The following DNAH5 variants were observed in gnomAD, a reference collection of about 807,000 sequenced individuals.
DNAH5 encodes the protein dynein axonemal heavy chain 5, also known as axonemal beta dynein heavy chain 5.
A neutral mutation model predicts 518.2 loss-of-function variants in DNAH5; 372 were observed. That is an observed-to-expected ratio of 0.72 (90% CI 0.66 to 0.78). The LOEUF is 0.78. Among genes scored for constraint, DNAH5 ranks in the 30% least tolerant of loss-of-function variants. DNAH5 has a pLI of 0.00. For synonymous variants in DNAH5, 2,039 were observed against 2,025.9 expected, an observed-to-expected ratio of 1.01 and a Z score of -0.17; for missense variants, 5,523 against 5,687.0, an observed-to-expected ratio of 0.97 and a Z score of 0.93.
At chr5:13,851,499 T>G (rs795523) in intron 30 of DNAH5, among the ~76,000 whole-genome samples, 57,056 of 151,510 alleles carry the variant, frequency 0.38, 10,962 homozygotes, top group South Asian at 0.47. Flanking sequence ...TTGTAGAAAC[T>G]GGGTTTCATC....
intron 1 of DNAH5, among the ~76,000 whole-genome samples, chr5:14,006,179 CT>C (rs1018369019): frequency 4.6e-5 from 7 of 152,282 alleles, no homozygotes; most frequent in African/African-American, 1.7e-4. Context: ...CAGTTCATCC[CT>C]GACATATACT....
intron 2 of DNAH5, among the ~76,000 whole-genome samples, chr5:13,930,225 G>A (rs900383595): frequency 5.3e-5 from 8 of 152,170 alleles, no homozygotes; most frequent in African/African-American, 1.2e-4. Flanking sequence ...CAGATGGCTC[G>A]TACTGGCCCA....
At chr5:13,748,411 T>C (rs1490708223) in intron 65 of DNAH5, among the ~76,000 whole-genome samples, 5 of 152,230 alleles carry the variant, frequency 3.3e-5, no homozygotes, top group Non-Finnish European at 5.9e-5. Flanking sequence ...TCCAATTCTG[T>C]GAAGAAAGTC....
chr5:13,918,069 AT>A (rs1271593371), intron 7 of DNAH5, among the ~76,000 whole-genome samples: 24 of 152,272 alleles, frequency 1.6e-4, no homozygotes, highest in Admixed American at 3.9e-4. Context: ...CATGGGCTGA[AT>A]CTAGTGACTT....
intron 38 of DNAH5, among the ~76,000 whole-genome samples, chr5:13,825,346 A>AAAATAAATAAAT (rs143083505): frequency 0.033 from 4,901 of 150,548 alleles, 128 homozygotes; most frequent in African/African-American, 0.072. Flanking sequence ...TGTCTTGCAA[A>AAAATAAATAAAT]AAATAAATAA....
At chr5:13,908,457 G>A (rs150746062) in intron 12 of DNAH5, among the ~76,000 whole-genome samples, 13 of 152,196 alleles carry the variant, frequency 8.5e-5, no homozygotes, top group African/African-American at 2.2e-4. Flanking sequence ...CTATGGCTTC[G>A]CAAAGGCCTG....
Position 13,769,247 on chromosome 5 carries a change from G to GTTT in DNAH5, c.9721-114_9721-112dup, listed in dbSNP as rs36092508. On this transcript the variant is annotated intron_variant, in intron 57 of 78. Transcript: ENST00000265104. Reference sequence around the variant, plus strand: ...TTTTGTTCACTTACCCAGTTTTGTTGTTTTTTTTTTTTTTTTTTGAGATGG... The same window carrying GTTT: ...TTTTGTTCACTTACCCAGTTTTGTTGTTTTTTTTTTTTTTTTTTTTTGAGATGG... 2,041 of 742,954 alleles carry GTTT rather than the reference G, an allele frequency of 2.7e-3. 2 individuals are homozygous for GTTT. The highest frequency in any genetic ancestry group is 5.5e-3 in the South Asian group (284 of 51,206). 46.0% of individuals were successfully genotyped at this position (742,954 alleles called of 1,614,324 possible).
At chr5:13,934,951 T>C (rs1778787990) in intron 1 of DNAH5, among the ~76,000 whole-genome samples, 1 of 152,222 alleles carries the variant, frequency 6.6e-6, no homozygotes, top group African/African-American at 2.4e-5. Flanking sequence ...TTTTGAATTG[T>C]TTTCTGCCTT....
In DNAH5 at chr5:13,777,209, G is replaced by A; in HGVS notation, c.9098C>T (p.Ser3033Leu). ...GAATAAATGAGCTCCTACCTCACCTGATGATAAAACATTGTTCATATATTC... is the reference window on the plus strand; with the variant it reads ...GAATAAATGAGCTCCTACCTCACCTAATGATAAAACATTGTTCATATATTC... The part of the protein sequence containing the change: ...FLEYMNNVLS[S>L]GEVSNLFARD... The change falls in exon 54 of 79, where the codon TCA (serine) becomes TTA (leucine). Residue 3033 changes from serine to leucine, a missense_variant. Coordinates refer to ENST00000265104, the MANE Select transcript of DNAH5 (RefSeq NM_001369.3). 1 of 1,612,300 alleles carries A rather than the reference G, an allele frequency of 6.2e-7. No homozygotes were observed.
chr5:13,992,258 C>A (rs538423031), intron 1 of DNAH5, among the ~76,000 whole-genome samples: 1 of 152,290 alleles, frequency 6.6e-6, no homozygotes, highest in East Asian at 1.9e-4. Context: ...TCCATCTCCT[C>A]CACAAGCATC....
chr5:13,926,862 G>A (rs888691812), intron 3 of DNAH5, among the ~76,000 whole-genome samples: 1 of 152,218 alleles, frequency 6.6e-6, no homozygotes, highest in Non-Finnish European at 1.5e-5. Flanking sequence ...GCAATCTGGT[G>A]TAGAAACCAA....
rs749688197 is a variant in DNAH5, at chr5:13,844,951, G to A, written c.5157C>T (p.Phe1719=). ...TCTCTAGAAGGGCAGGATCTGAGAC[G>A]AAGAAAAACCGAGGAAAGCACAGTC... ...KKRLCFPRFF[F]VSDPALLEIL... is the part of the protein sequence containing the mutation. The change falls in exon 32 of 79, where the codon TTC becomes TTT. Residue 1719 remains phenylalanine (F), a synonymous_variant. Transcript: ENST00000265104. The A allele has an allele frequency of 1.1e-5, 18 of 1,613,978 alleles. No individual in the cohort carries two copies. In the Admixed American group the frequency reaches 1.2e-4, roughly 10 times the overall value.
intron 1 of DNAH5, among the ~76,000 whole-genome samples, chr5:13,961,650 A>C (rs1242948273): frequency 6.7e-6 from 1 of 148,596 alleles, no homozygotes; most frequent in Non-Finnish European, 1.5e-5. Context: ...TCTGAAAAAA[A>C]GAAAAAGAAA....
chr5:13,728,537 A>G (rs1746068968), intron 69 of DNAH5, among the ~76,000 whole-genome samples: 1 of 152,186 alleles, frequency 6.6e-6, no homozygotes, highest in African/African-American at 2.4e-5. Context: ...TAGCAACTTC[A>G]ATATCAATGG....
intron 68 of DNAH5, among the ~76,000 whole-genome samples, chr5:13,732,654 C>T (rs374301430): frequency 6.6e-6 from 1 of 152,078 alleles, no homozygotes; most frequent in Non-Finnish European, 1.5e-5. Flanking sequence ...CAGACTTGAG[C>T]CACCGCACCT....
chr5:13,891,990 T>C (rs1014845427), intron 16 of DNAH5, among the ~76,000 whole-genome samples: 1 of 152,110 alleles, frequency 6.6e-6, no homozygotes, highest in Admixed American at 6.5e-5. Flanking sequence ...TCCTGGGAAA[T>C]AAAGCTGAAA....
rs1004667711 is a variant in DNAH5 at position 13,882,602 on chromosome 5, A to G, written c.3262+126T>C. Reference sequence around the variant, plus strand: ...GACCTTGATATTTTGTCAACTTCAAATTGGCTCATAGATTAATATTCTGAT... The same window carrying G: ...GACCTTGATATTTTGTCAACTTCAAGTTGGCTCATAGATTAATATTCTGAT... On this transcript the variant is annotated intron_variant, in intron 21 of 78. Coordinates refer to ENST00000265104, the MANE Select transcript of DNAH5 (RefSeq NM_001369.3). 4 of 790,240 alleles carry G rather than the reference A, an allele frequency of 5.1e-6. No homozygotes were observed. The African/African-American group carries it at 6.9e-5, about 14-fold the overall frequency. 49.0% of individuals were successfully genotyped at this position (790,240 alleles called of 1,614,324 possible).
At chr5:13,876,635 G>T (rs562705005) in intron 22 of DNAH5, 49 bp downstream of exon 22, 1 of 1,603,630 alleles carries the variant, frequency 6.2e-7, no homozygotes. Flanking sequence ...TTTCACACAA[G>T]TGCATGTTGC....
At chr5:13,716,000 G>A (rs770611235) in intron 74 of DNAH5, among the ~76,000 whole-genome samples, 5 of 152,236 alleles carry the variant, frequency 3.3e-5, no homozygotes, top group Admixed American at 2.0e-4. Flanking sequence ...CCTAGAGGAG[G>A]TTCTTACACA....
Sources: allele counts gnomAD v4.1 joint callset (sites outside exome capture counted in the v4.1 genomes callset), GRCh38; gene constraint gnomAD v4.1.1; transcripts MANE v1.5; gene names NCBI Gene and HGNC (gene_info 2026-07-23, HGNC 2026-07-21).